COL8A2: variants seen among roughly 807,000 people sequenced by gnomAD.
COL8A2 encodes the protein collagen type VIII alpha 2 chain, also known as collagen alpha-2(VIII) chain.
Under a neutral mutation model 24.0 loss-of-function variants are expected in COL8A2, and 16 were observed. The observed-to-expected ratio is 0.67, with a 90% confidence interval of 0.45 to 1.01. The LOEUF (loss-of-function observed/expected upper bound fraction) is 1.01, where lower values mean the gene tolerates loss of function less well. COL8A2 is among the 50% of genes least tolerant of loss of function. The probability of loss-of-function intolerance (pLI) is 0.00; values close to 1 mark genes in which losing one functional copy is unlikely to be tolerated. For synonymous variants in COL8A2, 466 were observed against 424.5 expected, an observed-to-expected ratio of 1.10 and a Z score of -1.20; for missense variants, 818 against 942.4, an observed-to-expected ratio of 0.87 and a Z score of 1.73.
In COL8A2 at chr1:36,098,449, C is replaced by G; in HGVS notation, c.1232G>C (p.Arg411Thr). ...LAGKPGVPGE[R>T]GLPGAHGPPG... ...GGGTCCATGGGCCCCAGGAAGTCCC[C>G]TCTCACCTGGGACCCCTGGTTTCCC... The change falls in exon 4 of 4, where the codon AGG (arginine) becomes ACG (threonine). Residue 411 changes from arginine to threonine, a missense_variant. Around this residue, in one of 3 missense-constraint regions of COL8A2, gnomAD observed 573 missense variants for 616.8 expected, o/e 0.93. Transcript: ENST00000397799. 1 of 1,584,978 alleles carries G rather than the reference C, an allele frequency of 6.3e-7. No individual in the cohort carries two copies.
chr1:36,119,402 G>C (rs1032924941), intron 1 of COL8A2, among the ~76,000 whole-genome samples: 1 of 152,130 alleles, frequency 6.6e-6, no homozygotes, highest in Non-Finnish European at 1.5e-5. Flanking sequence ...AGCTAAGCAA[G>C]TCCAAAGATG....
intron 2 of COL8A2, among the ~76,000 whole-genome samples, chr1:36,112,788 C>T (rs1318588077): frequency 2.0e-5 from 3 of 152,210 alleles, no homozygotes; most frequent in Non-Finnish European, 4.4e-5. Flanking sequence ...GACAGCCTAT[C>T]ACCATGCAGG....
At chr1:36,105,985 G>GAT (rs754659224) in intron 2 of COL8A2, among the ~76,000 whole-genome samples, 10,145 of 143,864 alleles carry the variant, frequency 0.071, 447 homozygotes, top group Middle Eastern at 0.09. Flanking sequence ...AGAGAGATAA[G>GAT]GAGGAGGCAG....
At chr1:36,102,634 TA>T (rs1643693355) in intron 2 of COL8A2, among the ~76,000 whole-genome samples, 1 of 151,830 alleles carries the variant, frequency 6.6e-6, no homozygotes, top group Non-Finnish European at 1.5e-5. Context: ...GGGCCAATTG[TA>T]TGATGTGTGA....
chr1:36,106,310 G>T (rs1330719600), intron 2 of COL8A2, among the ~76,000 whole-genome samples: 2 of 151,834 alleles, frequency 1.3e-5, no homozygotes, highest in African/African-American at 4.8e-5. Flanking sequence ...CTGCCTGAGG[G>T]GGCCACTCGC....
chr1:36,102,459 C>G (rs535644877), intron 2 of COL8A2, among the ~76,000 whole-genome samples: 1 of 151,826 alleles, frequency 6.6e-6, no homozygotes, highest in Non-Finnish European at 1.5e-5. Context: ...TGCCACCATG[C>G]CTGGCTAATT....
At chr1:36,118,275 C>G (rs1396353082) in intron 1 of COL8A2, among the ~76,000 whole-genome samples, 1 of 152,198 alleles carries the variant, frequency 6.6e-6, no homozygotes, top group Non-Finnish European at 1.5e-5. Context: ...CTCTGCCTGG[C>G]CCCCAGGTGG....
rs1017970551 is a variant in COL8A2, at chr1:36,123,222, C to T, written c.-62+1835G>A. Among the ~76,000 whole-genome samples the T allele has an allele frequency of 6.6e-6, 1 of 152,188 alleles. No individual in the cohort carries two copies. The highest frequency in any genetic ancestry group is 1.9e-4 in the East Asian group (1 of 5,194). On this transcript the variant is annotated intron_variant, in intron 1 of 3. Coordinates refer to ENST00000397799, the MANE Select transcript of COL8A2 (RefSeq NM_005202.4). This position sits in a 1 kb window ranked among gnomAD's most constrained non-coding sequence, Gnocchi z 4.1. ...TTCCTCCTGCCACGGATGGGACCAG[C>T]GCATCTGAGACCCCACTTCCCTGTA... is the stretch of plus-strand genomic sequence containing the variant.
chr1:36,098,358 T>C lies in COL8A2; in HGVS notation c.1323A>G (p.Ala441=), dbSNP rs182708720. 1,711 of 1,551,714 alleles carry C rather than the reference T, an allele frequency of 1.1e-3. 17 individuals are homozygous for C. The African/African-American group carries it at 0.021, about 19-fold the overall frequency. The change falls in exon 4 of 4, where the codon GCA becomes GCG. Residue 441 remains alanine, a synonymous_variant. Coordinates refer to ENST00000397799, the MANE Select transcript of COL8A2 (RefSeq NM_005202.4). ...AGTCACCTTTCTGCCCCAGGGCTCC[T>C]GCCACCCCTGGTCCTCCAGGGCGAC... ...FTGRPGGPGV[A]GALGQKGDLG...
intron 2 of COL8A2, among the ~76,000 whole-genome samples, chr1:36,113,015 T>C (rs961720277): frequency 2.6e-5 from 4 of 152,170 alleles, no homozygotes; most frequent in Non-Finnish European, 4.4e-5. Context: ...GGAGGCATGC[T>C]TTAGACTCAG....
chr1:36,109,581 C>CTTTTT (rs10715688), intron 2 of COL8A2, among the ~76,000 whole-genome samples: 2 of 141,110 alleles, frequency 1.4e-5, no homozygotes, highest in African/African-American at 2.6e-5. Context: ...AGTAACCACT[C>CTTTTT]TTTTTTTTTT....
chr1:36,098,928 C>T lies in COL8A2; in HGVS notation c.753G>A (p.Lys251=). ...GAACTCCAGGAGGCCCAGACTCACC[C>T]TTGTCTCCTGGGGCCCCAGGAAGCC... ...LDGLPGAPGD[K]GESGPPGVPG... The change falls in exon 4 of 4, where the codon AAG becomes AAA. Residue 251 remains lysine, a synonymous_variant. Transcript: ENST00000397799. 6.2e-7 allele frequency: 1 copy of T among 1,611,176 alleles called. No individual in the cohort carries two copies. Among genetic ancestry groups the T allele is most frequent in the Non-Finnish European group, 8.5e-7 (1 of 1,179,106 alleles).
Position 36,099,337 on chromosome 1 carries a change from C to A in COL8A2, c.344G>T (p.Gly115Val). Residue 115 changes from glycine (G) to valine (V), a missense_variant, in exon 4 of 4, where the codon GGG becomes GTG. Around this residue, in one of 3 missense-constraint regions of COL8A2, gnomAD observed 573 missense variants for 616.8 expected, o/e 0.93. Coordinates refer to ENST00000397799, the MANE Select transcript of COL8A2 (RefSeq NM_005202.4). ...GCCCATCCGGGAGAAGCCAGGGGGC[C>A]CAGCAGGGCCAGGCTGCCCATGGAG... Reference protein sequence around the residue: ...PGLHGQPGPAGPPGFSRMGKA... With the variant: ...PGLHGQPGPAVPPGFSRMGKA... 2 of 1,582,382 alleles carry A rather than the reference C, an allele frequency of 1.3e-6. No individual in the cohort carries two copies. The highest frequency in any genetic ancestry group is 2.3e-5 in the East Asian group (1 of 43,818).
chr1:36,122,599 G>A (rs899252825), intron 1 of COL8A2, among the ~76,000 whole-genome samples: 2 of 151,946 alleles, frequency 1.3e-5, no homozygotes, highest in South Asian at 4.2e-4. Flanking sequence ...TCCAGTGCAA[G>A]GCTTCTGGCC....
chr1:36,121,498 A>G (rs1296580305), intron 1 of COL8A2, among the ~76,000 whole-genome samples: 1 of 149,962 alleles, frequency 6.7e-6, no homozygotes, highest in Non-Finnish European at 1.5e-5. Context: ...AGGCGGGCGG[A>G]TCACCTGAGG....
chr1:36,105,766 G>A (rs774407367), intron 2 of COL8A2, among the ~76,000 whole-genome samples: 13 of 151,954 alleles, frequency 8.6e-5, no homozygotes, highest in Non-Finnish European at 1.9e-4. Flanking sequence ...TGGGCACATA[G>A]TGAAACTCTG....
At chr1:36,099,551 C>T in intron 3 of COL8A2, 64 bp from the exon 4 acceptor site, 1 of 1,123,120 alleles carries the variant, frequency 8.9e-7, no homozygotes, top group Non-Finnish European at 1.3e-6. Context: ...ACCCCATCTA[C>T]CCATTCCCCC....
intron 2 of COL8A2, among the ~76,000 whole-genome samples, chr1:36,108,815 A>G (rs1223229763): frequency 6.6e-6 from 1 of 152,192 alleles, no homozygotes; most frequent in Non-Finnish European, 1.5e-5. Context: ...GGGAAAGGAC[A>G]TTAGCTAGCA....
chr1:36,119,031 A>G (rs1195188881), intron 1 of COL8A2, among the ~76,000 whole-genome samples: 2 of 151,730 alleles, frequency 1.3e-5, no homozygotes, highest in East Asian at 3.9e-4. Flanking sequence ...GGCATTATTT[A>G]CTCCCGTAAC....
Sources: gnomAD v4.1 joint callset for allele counts (sites outside exome capture counted in the v4.1 genomes callset) on GRCh38, gnomAD v4.1.1 for gene constraint, gnomAD v4.1.1 regional missense constraint, Gnocchi (gnomAD v3.1) non-coding constraint, MANE v1.5 for transcripts, NCBI Gene and HGNC (gene_info 2026-07-23, HGNC 2026-07-21) for gene names.